Variants in PDIA4 observed in about 807,000 individuals in gnomAD.
PDIA4 encodes protein disulfide isomerase family A member 4.
Under a neutral mutation model 62.1 loss-of-function variants are expected in PDIA4, and 33 were observed. That is an observed-to-expected ratio of 0.53 (90% CI 0.40 to 0.71). The LOEUF is 0.71. PDIA4 is among the 30% of genes least tolerant of loss of function. The pLI, the probability that PDIA4 is intolerant of heterozygous loss-of-function variation, is 0.00. For missense variants in PDIA4, 804 were observed against 813.6 expected, an observed-to-expected ratio of 0.99 and a Z score of 0.14; for synonymous variants, 341 against 324.1, an observed-to-expected ratio of 1.05 and a Z score of -0.56.
intron 4 of PDIA4, among the ~76,000 whole-genome samples, chr7:149,013,939 G>A (rs781535314): frequency 2.0e-5 from 3 of 152,096 alleles, no homozygotes; most frequent in Non-Finnish European, 4.4e-5. Flanking sequence ...CACCCATCAG[G>A]CCAGGGCCCC....
intron 3 of PDIA4, among the ~76,000 whole-genome samples, chr7:149,016,774 G>C (rs1016405576): frequency 6.6e-6 from 1 of 152,210 alleles, no homozygotes; most frequent in South Asian, 2.1e-4. Context: ...GCCTCCCAAA[G>C]TGCTGGGATT....
At chr7:149,010,908 T>C (rs560088005) in intron 6 of PDIA4, among the ~76,000 whole-genome samples, 4 of 152,322 alleles carry the variant, frequency 2.6e-5, no homozygotes, top group Admixed American at 6.5e-5. Flanking sequence ...CAGTCAGACT[T>C]GGGGCTACGG....
Position 149,008,201 on chromosome 7 carries a change from G to A in PDIA4, c.1089C>T (p.Phe363=). ...GGCTCCGGGGCTCATACTTGGACTG[G>A]AATTTCTCAGGCTGCATTACAACCA... ...GQLVVMQPEK[F]QSKYEPRSHM... is the part of the protein sequence containing the mutation. Residue 363 remains phenylalanine (F), a synonymous_variant, in exon 7 of 10, where the codon TTC becomes TTT. Coordinates refer to ENST00000652332, the MANE Select transcript of PDIA4 (RefSeq NM_004911.5). The A allele has an allele frequency of 6.2e-7, 1 of 1,614,112 alleles. No individual in the cohort carries two copies.
Position 149,028,109 on chromosome 7 carries a change from T to C in PDIA4, c.88+212A>G. The C allele has an allele frequency of 5.0e-6, 3 of 595,582 alleles. No individual in the cohort carries two copies. In the South Asian group the frequency reaches 5.8e-5, roughly 12 times the overall value. The allele number at this position is 595,582 out of a possible 1,614,324, so 36.9% of individuals were successfully genotyped here. A position where few individuals can be genotyped will look rare whatever the true frequency, so the allele number is the denominator to read the frequency against. On this transcript the variant is annotated intron_variant, in intron 1 of 9. Coordinates refer to ENST00000652332, the MANE Select transcript of PDIA4 (RefSeq NM_004911.5). Reference sequence around the variant, plus strand: ...GCCCAAGAGACCCCGGCCACCTTCCTCTCCCGGGAACCCCAAATCGATCCT... The same window carrying C: ...GCCCAAGAGACCCCGGCCACCTTCCCCTCCCGGGAACCCCAAATCGATCCT...
intron 1 of PDIA4, among the ~76,000 whole-genome samples, chr7:149,025,965 C>G (rs1270810108): frequency 2.0e-5 from 3 of 152,098 alleles, no homozygotes; most frequent in African/African-American, 7.2e-5. Context: ...ACGGAAAGCC[C>G]TGCAACCGGA....
rs758056984 is a variant in PDIA4 at position 149,014,931 on chromosome 7, A to G, written c.587T>C (p.Ile196Thr). The G allele has an allele frequency of 6.2e-6, 10 of 1,614,156 alleles. No individual in the cohort carries two copies. The highest frequency in any genetic ancestry group is 3.3e-5 in the Admixed American group (2 of 60,022). The change falls in exon 4 of 10, where the codon ATC becomes ACC. Residue 196 changes from isoleucine (I) to threonine (T), a missense_variant. Physicochemically the swap from Ile to Thr is moderately conservative, Grantham distance 89 (BLOSUM62 -1). Coordinates refer to ENST00000652332, the MANE Select transcript of PDIA4 (RefSeq NM_004911.5). ...TGGGGCATAAAACTCCACCAGAATG[A>G]TATCTGCATCATTCACAACTTCATC... ...NFDEVVNDAD[I>T]ILVEFYAPWC...
At chr7:149,010,514 A>ACAG (rs1321865400) in intron 6 of PDIA4, among the ~76,000 whole-genome samples, 1 of 152,100 alleles carries the variant, frequency 6.6e-6, no homozygotes, top group African/African-American at 2.4e-5. Context: ...AAATAAGGCT[A>ACAG]CAGCTATCTA....
intron 1 of PDIA4, chr7:149,027,917 C>T (rs1411858802): frequency 4.1e-6 from 2 of 489,680 alleles, no homozygotes; most frequent in Non-Finnish European, 4.2e-6. Context: ...CTCGCCCCTT[C>T]TCTCCAGTGG....
Position 149,011,909 on chromosome 7 carries a change from C to G in PDIA4, c.916G>C (p.Val306Leu), listed in dbSNP as rs1823957998. Residue 306 changes from valine (V) to leucine (L), a missense_variant, in exon 6 of 10, where the codon GTC becomes CTC. Val to Leu is a conservative substitution (Grantham distance 32, BLOSUM62 1). Coordinates refer to ENST00000652332, the MANE Select transcript of PDIA4 (RefSeq NM_004911.5). Reference protein sequence around the residue: ...VQEFLKDGDDVIIIGVFKGES... With the variant: ...VQEFLKDGDDLIIIGVFKGES... The stretch of plus-strand genomic sequence containing the variant: ...CCCTTAAAGACCCCGATGATGATGA[C>G]ATCGTCTCCATCCTTCAGGAACTCC... The G allele has an allele frequency of 6.2e-7, 1 of 1,608,804 alleles. No homozygotes were observed. Among genetic ancestry groups the G allele is most frequent in the African/African-American group, 1.3e-5 (1 of 74,754 alleles).
At chr7:149,004,989 G>C in intron 9 of PDIA4, 152 bp downstream of exon 9, 1 of 675,508 alleles carries the variant, frequency 1.5e-6, no homozygotes, top group South Asian at 1.7e-5. Context: ...TGGACGAGAA[G>C]TCAGAGTCCC....
chr7:149,014,853 C>T (rs774549162), intron 4 of PDIA4, 51 bp downstream of exon 4: 2 of 1,582,590 alleles, frequency 1.3e-6, no homozygotes, highest in African/African-American at 1.3e-5. Context: ...CCACCCCGCA[C>T]CTAGTGCCCA....
chr7:149,022,597 G>A (rs1440827313), intron 1 of PDIA4, among the ~76,000 whole-genome samples: 1 of 152,058 alleles, frequency 6.6e-6, no homozygotes, highest in African/African-American at 2.4e-5. Context: ...GTAAATGAAC[G>A]CTGCTAGTTA....
chr7:149,027,218 A>G (rs1051074329), intron 1 of PDIA4, among the ~76,000 whole-genome samples: 2 of 152,202 alleles, frequency 1.3e-5, no homozygotes, highest in East Asian at 3.8e-4. Flanking sequence ...AATAAACACT[A>G]TTTAAACAAA....
chr7:149,024,465 G>A (rs887125218), intron 1 of PDIA4, among the ~76,000 whole-genome samples: 1 of 152,032 alleles, frequency 6.6e-6, no homozygotes, highest in African/African-American at 2.4e-5. Context: ...CATTTTAGTG[G>A]GGGAACACTT....
intron 1 of PDIA4, among the ~76,000 whole-genome samples, chr7:149,022,369 A>G (rs1824382508): frequency 6.6e-6 from 1 of 152,136 alleles, no homozygotes; most frequent in African/African-American, 2.4e-5. Context: ...GAAATTGTGT[A>G]TATTTTATTT....
chr7:149,010,705 C>T lies in PDIA4; in HGVS notation c.979+1141G>A, dbSNP rs544542729. The stretch of plus-strand genomic sequence containing the variant: ...ACCTATCTGTAGAACATCTTGTGTC[C>T]CTGGGGCTAACCCCTCTCTCATAAG... On this transcript the variant is annotated intron_variant, in intron 6 of 9. Transcript: ENST00000652332. Among the ~76,000 whole-genome samples, 42 of 152,306 alleles carry T rather than the reference C, an allele frequency of 2.8e-4. No individual in the cohort carries two copies. The East Asian group carries it at 7.3e-3, about 27-fold the overall frequency.
At position 149,022,468 on chromosome 7, in the gene PDIA4, T is replaced by C. The variant is rs1824386321; in HGVS notation, c.89-1321A>G. The stretch of plus-strand genomic sequence containing the variant: ...TGCCATTTTTATTAACCAGGTTCTC[T>C]GGCTACTGTCACACCAGTAAACTGA... On this transcript the variant is annotated intron_variant, in intron 1 of 9. Coordinates refer to ENST00000652332, the MANE Select transcript of PDIA4 (RefSeq NM_004911.5). 2.0e-5 allele frequency among the ~76,000 whole-genome samples: 3 copies of C among 152,248 alleles called. 1 individual carries two copies. In the South Asian group the frequency reaches 6.2e-4, roughly 31 times the overall value.
Position 149,028,486 on chromosome 7 carries a change from C to T in PDIA4, c.-78G>A. 1 of 1,018,212 alleles carries T rather than the reference C, an allele frequency of 9.8e-7. No individual in the cohort carries two copies. Among genetic ancestry groups the T allele is most frequent in the Non-Finnish European group, 1.4e-6 (1 of 735,482 alleles). 63.1% of individuals were successfully genotyped at this position (1,018,212 alleles called of 1,614,324 possible). A position where few individuals can be genotyped will look rare whatever the true frequency, so the allele number is the denominator to read the frequency against. Reference sequence around the variant, plus strand: ...GAGAACTCGGGGTCTGGCCGACAGCCCGTCGCTCCTTAGCGACGCGGGGGA... The same window carrying T: ...GAGAACTCGGGGTCTGGCCGACAGCTCGTCGCTCCTTAGCGACGCGGGGGA... On this transcript the variant is annotated 5_prime_UTR_variant, in exon 1 of 10. Coordinates refer to ENST00000652332, the MANE Select transcript of PDIA4 (RefSeq NM_004911.5).
At chr7:149,005,053 C>G (rs1823693567) in intron 9 of PDIA4, 88 bp downstream of exon 9, 2 of 1,017,458 alleles carry the variant, frequency 2.0e-6, no homozygotes, top group African/African-American at 1.6e-5. Flanking sequence ...TGCCCGTGGC[C>G]AGAGCACCAG....
Sources: allele counts gnomAD v4.1 joint callset (sites outside exome capture counted in the v4.1 genomes callset), GRCh38; gene constraint gnomAD v4.1.1; transcripts MANE v1.5; gene names NCBI Gene and HGNC (gene_info 2026-07-23, HGNC 2026-07-21).